PCDH15: variants seen among roughly 807,000 people sequenced by gnomAD.
PCDH15 encodes protocadherin related 15.
PCDH15 carries 129 observed loss-of-function variants against 178.5 expected under a neutral mutation model. The observed-to-expected ratio is 0.72, with a 90% CI of 0.63 to 0.84. The LOEUF is 0.84. Ranked by LOEUF, PCDH15 falls within the 40% of genes least tolerant of loss-of-function variation. The pLI, the probability that PCDH15 is intolerant of heterozygous loss-of-function variation, is 0.00. For missense variants in PCDH15, 2,230 were observed against 2,099.9 expected, an observed-to-expected ratio of 1.06 and a Z score of -1.21; for synonymous variants, 800 against 732.0, an observed-to-expected ratio of 1.09 and a Z score of -1.50.
intron 2 of PCDH15, among the ~76,000 whole-genome samples, chr10:55,544,420 A>T: frequency 6.6e-6 from 1 of 151,878 alleles, no homozygotes; most frequent in East Asian, 1.9e-4. Flanking sequence ...GAAAAGGCAC[A>T]CATTAATATA....
chr10:54,965,677 A>C (rs1838767892), intron 2 of PCDH15, among the ~76,000 whole-genome samples: 1 of 127,878 alleles, frequency 7.8e-6, no homozygotes, highest in Non-Finnish European at 1.6e-5. Flanking sequence ...GTCTTTGAAA[A>C]GCCACATTAA....
chr10:54,572,501 AAG>A (rs1477908405), intron 2 of PCDH15, among the ~76,000 whole-genome samples: 6 of 152,158 alleles, frequency 3.9e-5, no homozygotes, highest in Non-Finnish European at 8.8e-5. Context: ...GGAAAACGAA[AAG>A]AGAGGATTGA....
intron 2 of PCDH15, among the ~76,000 whole-genome samples, chr10:55,034,673 A>C (rs957553416): frequency 3.1e-4 from 47 of 152,314 alleles, no homozygotes; most frequent in Non-Finnish European, 2.4e-4. Flanking sequence ...AATAAGAATA[A>C]ATAAAATATG....
At chr10:54,494,979 A>G (rs1234741080) in intron 3 of PCDH15, among the ~76,000 whole-genome samples, 3 of 152,208 alleles carry the variant, frequency 2.0e-5, no homozygotes, top group Non-Finnish European at 4.4e-5. Flanking sequence ...ATAGCTTTCA[A>G]CTAAAGCAGC....
At chr10:54,525,676 C>G (rs1184415805) in intron 3 of PCDH15, among the ~76,000 whole-genome samples, 1 of 152,148 alleles carries the variant, frequency 6.6e-6, no homozygotes, top group Non-Finnish European at 1.5e-5. Flanking sequence ...CCAGGCTGGC[C>G]TTGAACTCCC....
chr10:55,159,373 A>ATCTATC (rs1564848978), intron 2 of PCDH15, among the ~76,000 whole-genome samples: 9 of 4,910 alleles, frequency 1.8e-3, no homozygotes, highest in African/African-American at 2.1e-3. Flanking sequence ...ATCTATCTAT[A>ATCTATC]TATATATATA....
Position 54,693,057 on chromosome 10 carries a change from C to T in PCDH15, c.-28-28767G>A, listed in dbSNP as rs76451125. 3.3e-5 allele frequency among the ~76,000 whole-genome samples: 5 copies of T among 151,780 alleles called. No individual in the cohort carries two copies. In the South Asian group the frequency reaches 6.2e-4, roughly 19 times the overall value. On this transcript the variant is annotated intron_variant, in intron 1 of 37. Transcript: ENST00000644397. Reference sequence around the variant, plus strand: ...CATACCCTACCCCGCAACAGGCCCTCGTGTGTATTGTTCCCCTCTCTCTGT... The same window carrying T: ...CATACCCTACCCCGCAACAGGCCCTTGTGTGTATTGTTCCCCTCTCTCTGT...
At chr10:54,920,124 T>C (rs1837446889) in intron 2 of PCDH15, among the ~76,000 whole-genome samples, 1 of 152,144 alleles carries the variant, frequency 6.6e-6, no homozygotes, top group African/African-American at 2.4e-5. Context: ...TTCTCTATGT[T>C]CGTTCCAATT....
chr10:54,380,963 T>C (rs575023964), intron 3 of PCDH15, among the ~76,000 whole-genome samples: 2 of 151,530 alleles, frequency 1.3e-5, no homozygotes, highest in Non-Finnish European at 2.9e-5. Context: ...AGTTCAATGA[T>C]TGAAACTCAA....
chr10:54,428,004 G>A (rs1956502892), intron 3 of PCDH15, among the ~76,000 whole-genome samples: 1 of 152,020 alleles, frequency 6.6e-6, no homozygotes, highest in South Asian at 2.1e-4. Flanking sequence ...TAAAAACTAG[G>A]ATATAGAAAC....
At chr10:54,186,797 C>A (rs532737382) in intron 11 of PCDH15, among the ~76,000 whole-genome samples, 10 of 151,850 alleles carry the variant, frequency 6.6e-5, no homozygotes, top group African/African-American at 2.4e-4. Context: ...AACTAGAAAG[C>A]GGGATATTCT....
At chr10:53,930,529 G>A (rs534130538) in intron 25 of PCDH15, among the ~76,000 whole-genome samples, 4 of 143,992 alleles carry the variant, frequency 2.8e-5, no homozygotes, top group African/African-American at 1.0e-4. Flanking sequence ...TTTGAAACTA[G>A]TCCAACAGTC....
At chr10:54,527,996 T>C in intron 2 of PCDH15, 119 bp from the exon 3 acceptor site, 1 of 752,140 alleles carries the variant, frequency 1.3e-6, no homozygotes, top group Non-Finnish European at 2.3e-6. Context: ...CTAATTAATA[T>C]GCATCACTAC....
chr10:54,004,490 A>G (rs1589864014), intron 20 of PCDH15, among the ~76,000 whole-genome samples: 1 of 152,094 alleles, frequency 6.6e-6, no homozygotes, highest in East Asian at 1.9e-4. Context: ...ACACAGAAAA[A>G]TCAGTAGCAT....
intron 3 of PCDH15, among the ~76,000 whole-genome samples, chr10:54,488,649 T>C (rs1486513248): frequency 1.3e-5 from 2 of 151,988 alleles, no homozygotes; most frequent in African/African-American, 2.4e-5. Flanking sequence ...AAAAGAAAGA[T>C]AATGCACTTT....
intron 1 of PCDH15, among the ~76,000 whole-genome samples, chr10:55,314,581 A>AC (rs1265132231): frequency 1.3e-5 from 2 of 150,580 alleles, no homozygotes; most frequent in African/African-American, 4.9e-5. Context: ...TCTCTAAACA[A>AC]AAAAAAAAAT....
chr10:54,084,383 G>T (rs904660868), intron 16 of PCDH15, among the ~76,000 whole-genome samples: 1 of 151,760 alleles, frequency 6.6e-6, no homozygotes, highest in African/African-American at 2.4e-5. Context: ...TGAGGGAGGA[G>T]AATCCCTTGA....
chr10:55,556,622 G>A (rs1166084835), intron 2 of PCDH15, among the ~76,000 whole-genome samples: 3 of 151,978 alleles, frequency 2.0e-5, no homozygotes, highest in African/African-American at 4.8e-5. Context: ...CTTAAGGTCC[G>A]GAGTTTGAGA....
intron 8 of PCDH15, among the ~76,000 whole-genome samples, chr10:54,293,118 T>C (rs2059527740): frequency 6.6e-6 from 1 of 151,986 alleles, no homozygotes; most frequent in African/African-American, 2.4e-5. Flanking sequence ...CAAAAACAGA[T>C]ATATAGACCA....
Sources: gnomAD v4.1 joint callset for allele counts (sites outside exome capture counted in the v4.1 genomes callset) on GRCh38, gnomAD v4.1.1 for gene constraint, MANE v1.5 for transcripts, NCBI Gene and HGNC (gene_info 2026-07-23, HGNC 2026-07-21) for gene names.